RXRA: variants seen among roughly 807,000 people sequenced by gnomAD.
The protein encoded by RXRA is retinoic acid receptor RXR-alpha.
Under a neutral mutation model 44.5 loss-of-function variants are expected in RXRA, and 5 were observed. The ratio of observed to expected loss-of-function variants is 0.11; its 90% confidence interval spans 0.06 to 0.24. The LOEUF (loss-of-function observed/expected upper bound fraction) is 0.24. RXRA is among the 10% of genes least tolerant of loss of function. The pLI is 1.00. For synonymous variants in RXRA, 291 were observed against 271.4 expected (o/e 1.07, Z -0.71); for missense variants, 412 against 646.5 (o/e 0.64, Z 3.93).
At chr9:134,431,756 G>C (rs948227632) in intron 7 of RXRA, 149 bp from the exon 8 acceptor site, 11 of 589,938 alleles carry the variant, frequency 1.9e-5, no homozygotes, top group Non-Finnish European at 3.0e-5. Context: ...CTCCCTCTCG[G>C]GGTGTCTGGG....
At chr9:134,424,580 T>A in intron 6 of RXRA, 1 of 985,424 alleles carries the variant, frequency 1.0e-6, no homozygotes, top group Non-Finnish European at 1.2e-6. Flanking sequence ...TGTGCCTCAG[T>A]GTCCTTGTGT....
At chr9:134,331,961 C>A (rs1219796432) in intron 1 of RXRA, among the ~76,000 whole-genome samples, 1 of 152,190 alleles carries the variant, frequency 6.6e-6, no homozygotes, top group Non-Finnish European at 1.5e-5. Flanking sequence ...GGTCTTGGCC[C>A]GAGTGAGTGA....
At chr9:134,328,896 C>T (rs1428791117) in intron 1 of RXRA, among the ~76,000 whole-genome samples, 4 of 152,196 alleles carry the variant, frequency 2.6e-5, no homozygotes, top group African/African-American at 2.4e-5. Flanking sequence ...CGGTGTCCAC[C>T]GAGCCGCTCA....
chr9:134,379,822 C>T, intron 1 of RXRA: 3 of 985,380 alleles, frequency 3.0e-6, no homozygotes, highest in Non-Finnish European at 3.6e-6. Context: ...CAGCTCCAAC[C>T]CTGGGGCCTT....
chr9:134,389,417 C>T (rs946206023), intron 1 of RXRA, among the ~76,000 whole-genome samples: 14 of 151,828 alleles, frequency 9.2e-5, no homozygotes, highest in Admixed American at 2.6e-4. Flanking sequence ...AGGGCTTGGG[C>T]GCCTCTGTCC....
Position 134,417,143 on chromosome 9 carries a change from C to A in RXRA, c.611-15C>A. 6.2e-7 allele frequency: 1 copy of A among 1,606,144 alleles called. No homozygotes were observed. Among genetic ancestry groups the A allele is most frequent in the African/African-American group, 1.3e-5 (1 of 75,020 alleles). Reference sequence around the variant, plus strand: ...GGGCTGAGCGTGGGGCTCACCTGCGCCTCCCGGGTTGTAGCCGTGCAGGAG... The same window carrying A: ...GGGCTGAGCGTGGGGCTCACCTGCGACTCCCGGGTTGTAGCCGTGCAGGAG... On this transcript the variant is annotated splice_polypyrimidine_tract_variant and intron_variant, in intron 4 of 9. Transcript: ENST00000481739. This position sits in a 1 kb window ranked among gnomAD's most constrained non-coding sequence, Gnocchi z 6.1.
In RXRA at chr9:134,438,281, A is replaced by C. The variant is rs190469791; in HGVS notation, c.*1667A>C. 1 of 152,334 alleles carries C rather than the reference A, an allele frequency of 6.6e-6. No homozygotes were observed. Among genetic ancestry groups the C allele is most frequent in the South Asian group, 2.1e-4 (1 of 4,828 alleles). 9.4% of individuals were successfully genotyped at this position (152,334 alleles called of 1,614,324 possible). ...CTCAGTGGTGAGGGGAGCTGCCTAC[A>C]GGTTGGACCGGGAGGCAGTGGCTTG... On this transcript the variant is annotated 3_prime_UTR_variant, in exon 10 of 10. Transcript: ENST00000481739.
intron 1 of RXRA, among the ~76,000 whole-genome samples, chr9:134,336,132 C>G (rs920947194): frequency 6.6e-6 from 1 of 152,332 alleles, no homozygotes; most frequent in Admixed American, 6.5e-5. Flanking sequence ...TGCCAGGTCA[C>G]TCTGGGCACA....
At chr9:134,358,153 G>T (rs62576326) in intron 1 of RXRA, among the ~76,000 whole-genome samples, 1 of 152,250 alleles carries the variant, frequency 6.6e-6, no homozygotes, top group Non-Finnish European at 1.5e-5. Flanking sequence ...GCCACCTGCC[G>T]AGGACGGAGC....
At chr9:134,429,334 C>G in intron 7 of RXRA, 94 bp downstream of exon 7, 1 of 1,321,482 alleles carries the variant, frequency 7.6e-7, no homozygotes, top group Non-Finnish European at 1.1e-6. Flanking sequence ...GCACATCCTG[C>G]CTAGTATTAT....
Position 134,426,963 on chromosome 9 carries a change from T to G in RXRA, c.911-2145T>G, listed in dbSNP as rs1831443743. 1.0e-6 allele frequency: 1 copy of G among 985,060 alleles called. No individual in the cohort carries two copies. The highest frequency in any genetic ancestry group is 1.8e-5 in the African/African-American group (1 of 57,136). 61.0% of individuals were successfully genotyped at this position (985,060 alleles called of 1,614,324 possible). ...CTCACTGGATGTCAGACCCAGTGCC[T>G]CTCAGCCTGGGAAAACCTGACGGGC... On this transcript the variant is annotated intron_variant, in intron 6 of 9. Transcript: ENST00000481739. The surrounding 1 kb of genome is among the most constrained non-coding windows in gnomAD (Gnocchi z 4.6).
intron 5 of RXRA, among the ~76,000 whole-genome samples, 177 bp from the exon 6 acceptor site, chr9:134,421,499 A>G (rs1468701492): frequency 1.3e-5 from 2 of 152,088 alleles, no homozygotes; most frequent in Non-Finnish European, 2.9e-5. Flanking sequence ...GCCAAGCCCC[A>G]TGTGCCATGC....
intron 1 of RXRA, among the ~76,000 whole-genome samples, chr9:134,382,910 C>A (rs1255384269): frequency 6.6e-6 from 1 of 152,154 alleles, no homozygotes; most frequent in Non-Finnish European, 1.5e-5. Context: ...GTTCTTGGAG[C>A]GTGCCGAATG....
intron 4 of RXRA, among the ~76,000 whole-genome samples, chr9:134,416,956 G>T (rs1420028400): frequency 6.6e-6 from 1 of 152,190 alleles, no homozygotes; most frequent in Admixed American, 6.5e-5. Context: ...ATTAATGAGA[G>T]TTGGCCTCTG....
At chr9:134,363,492 C>T (rs555162038) in intron 1 of RXRA, among the ~76,000 whole-genome samples, 167 of 152,392 alleles carry the variant, frequency 1.1e-3, no homozygotes, top group African/African-American at 3.8e-3. Flanking sequence ...TCCTGGGTAC[C>T]GTGCCCCTCC....
intron 5 of RXRA, among the ~76,000 whole-genome samples, chr9:134,420,569 C>T (rs545815940): frequency 8.5e-5 from 13 of 152,372 alleles, no homozygotes; most frequent in South Asian, 4.1e-4. Flanking sequence ...AGGCCTTTCC[C>T]GCCGGGCGCT....
At position 134,374,484 on chromosome 9, in the gene RXRA, C is replaced by T. The variant is rs902274880; in HGVS notation, c.29-27148C>T. Among the ~76,000 whole-genome samples, 11 of 152,340 alleles carry T rather than the reference C, an allele frequency of 7.2e-5. No individual in the cohort carries two copies. The East Asian group carries it at 1.7e-3, about 24-fold the overall frequency. On this transcript the variant is annotated intron_variant, in intron 1 of 9. Coordinates refer to ENST00000481739, the MANE Select transcript of RXRA (RefSeq NM_002957.6). ...GTCACTGGTCGCTGGTCACAGGGAT[C>T]CTGGCTCTCGGCCCAGGGCCACTGT...
Position 134,326,669 on chromosome 9 carries a change from C to A in RXRA, c.28+10C>A. On this transcript the variant is annotated intron_variant, in intron 1 of 9. Coordinates refer to ENST00000481739, the MANE Select transcript of RXRA (RefSeq NM_002957.6). The stretch of plus-strand genomic sequence containing the variant: ...CATTTCCTGCCGCTCGGTGAGTGCT[C>A]GCCGGGCCGGGCGGGGACGGGGCCG... 1.1e-6 allele frequency: 1 copy of A among 936,138 alleles called. No homozygotes were observed. 58.0% of individuals were successfully genotyped at this position (936,138 alleles called of 1,614,324 possible).
chr9:134,339,865 G>A (rs1019530155), intron 1 of RXRA, among the ~76,000 whole-genome samples: 10 of 148,808 alleles, frequency 6.7e-5, no homozygotes, highest in Non-Finnish European at 1.5e-4. Context: ...ATGTGTGTGT[G>A]TCTGTGAACA....
Sources: allele counts gnomAD v4.1 joint callset (sites outside exome capture counted in the v4.1 genomes callset), GRCh38; gene constraint gnomAD v4.1.1; non-coding constraint Gnocchi (gnomAD v3.1); transcripts MANE v1.5; gene names NCBI Gene and HGNC (gene_info 2026-07-23, HGNC 2026-07-21).